Variants in LARGE1 observed in about 807,000 individuals in gnomAD.
LARGE1 encodes xylosyl- and glucuronyltransferase LARGE1.
Under a neutral mutation model 87.6 loss-of-function variants are expected in LARGE1, and 43 were observed. The observed-to-expected ratio is 0.49, with a 90% CI of 0.38 to 0.63. LARGE1 has a LOEUF of 0.63. LARGE1 is among the 30% of genes least tolerant of loss of function. The probability of loss-of-function intolerance (pLI) is 0.00; values close to 1 mark genes in which losing one functional copy is unlikely to be tolerated. For missense variants in LARGE1, 802 were observed against 1,000.2 expected (o/e 0.80, Z 2.67); for synonymous variants, 434 against 394.6 (o/e 1.10, Z -1.18).
intron 6 of LARGE1, among the ~76,000 whole-genome samples, chr22:33,438,186 T>C (rs2067341419): frequency 6.6e-6 from 1 of 152,130 alleles, no homozygotes; most frequent in South Asian, 2.1e-4. Context: ...AGCTGTAACC[T>C]TGATGGTGCA....
At chr22:33,684,735 C>T (rs565931777) in intron 2 of LARGE1, among the ~76,000 whole-genome samples, 37 of 152,236 alleles carry the variant, frequency 2.4e-4, no homozygotes, top group African/African-American at 8.4e-4. Flanking sequence ...AAAGCTCATC[C>T]CGGGATGCCA....
chr22:33,152,561 A>G, the LARGE1 span, among the ~76,000 whole-genome samples: 1 of 151,892 alleles, frequency 6.6e-6, no homozygotes, highest in African/African-American at 2.4e-5. Context: ...TGGATTTTTT[A>G]TTTTTATTAT....
At chr22:33,606,281 T>A (rs557341848) in intron 4 of LARGE1, among the ~76,000 whole-genome samples, 1 of 151,920 alleles carries the variant, frequency 6.6e-6, no homozygotes, top group Admixed American at 6.6e-5. Context: ...GGCACATGCC[T>A]GTAGTCCCAG....
Position 33,679,000 on chromosome 22 carries a change from G to A in LARGE1, c.107-28332C>T, listed in dbSNP as rs73882293. ...TGTATAAAAAATAGATAGCAAGCCC[G>A]GATCCCTTCAATTCAGCAGGTAGCG... On this transcript the variant is annotated intron_variant, in intron 2 of 14. Coordinates refer to ENST00000397394, the MANE Select transcript of LARGE1 (RefSeq NM_133642.5). 9.3e-3 allele frequency among the ~76,000 whole-genome samples: 1,421 copies of A among 152,292 alleles called. 24 individuals carry two copies. The highest frequency in any genetic ancestry group is 0.032 in the African/African-American group (1,317 of 41,578).
the LARGE1 span, among the ~76,000 whole-genome samples, chr22:33,144,468 T>TAC: frequency 6.6e-6 from 1 of 152,098 alleles, no homozygotes; most frequent in Non-Finnish European, 1.5e-5. Flanking sequence ...TATATATATA[T>TAC]ATACACACAT....
At chr22:33,084,647 C>A in the LARGE1 span, among the ~76,000 whole-genome samples, 1 of 151,876 alleles carries the variant, frequency 6.6e-6, no homozygotes, top group East Asian at 1.9e-4. Flanking sequence ...AGAGTGAGAC[C>A]TGGTCTCAAA....
downstream of LARGE1, among the ~76,000 whole-genome samples, chr22:33,269,758 C>G (rs367631601): frequency 2.3e-3 from 345 of 152,236 alleles, 4 homozygotes; most frequent in African/African-American, 7.5e-3. Flanking sequence ...GTAATCCCAG[C>G]ACTTTGGGAG....
chr22:33,249,211 C>T (rs961995298), intron 11 of LARGE1, among the ~76,000 whole-genome samples: 6 of 152,184 alleles, frequency 3.9e-5, no homozygotes, highest in African/African-American at 1.4e-4. Flanking sequence ...CTCATCCTTG[C>T]CAATGTTCCA....
At chr22:33,816,241 G>A (rs886890352) in intron 1 of LARGE1, among the ~76,000 whole-genome samples, 1 of 152,146 alleles carries the variant, frequency 6.6e-6, no homozygotes, top group African/African-American at 2.4e-5. Flanking sequence ...TCCTCCATAA[G>A]CAGTCTGGCT....
chr22:33,762,585 G>C (rs1049360157), intron 1 of LARGE1, among the ~76,000 whole-genome samples: 4 of 152,172 alleles, frequency 2.6e-5, no homozygotes, highest in Admixed American at 6.5e-5. Flanking sequence ...TGGAAGAAGA[G>C]GTCCAGAGAA....
the LARGE1 span, among the ~76,000 whole-genome samples, chr22:33,154,374 G>C: frequency 1.3e-5 from 2 of 152,064 alleles, no homozygotes; most frequent in Non-Finnish European, 2.9e-5. Flanking sequence ...CCAAGTACCT[G>C]AGATTACAGG....
intron 11 of LARGE1, among the ~76,000 whole-genome samples, chr22:33,176,050 G>A (rs1313313311): frequency 6.6e-6 from 1 of 152,094 alleles, no homozygotes; most frequent in Admixed American, 6.6e-5. Context: ...ACAAGCAATG[G>A]GGAAAGGATT....
chr22:33,734,362 C>A (rs188840871), intron 2 of LARGE1, among the ~76,000 whole-genome samples: 1 of 152,032 alleles, frequency 6.6e-6, no homozygotes, highest in Admixed American at 6.5e-5. Context: ...CCTACAAGGA[C>A]GGCAGAAGAG....
chr22:33,168,237 C>T lies in LARGE1; in HGVS notation c.1731-1405G>A, dbSNP rs1412745142. Among the ~76,000 whole-genome samples the T allele has an allele frequency of 6.6e-5, 10 of 152,318 alleles. No homozygotes were observed. In the East Asian group the frequency reaches 1.9e-3, roughly 29 times the overall value. The stretch of plus-strand genomic sequence containing the variant: ...TATTTAACCACAAGGTAGATTCACC[C>T]ATTCTTACTGGCTCTGGATCTCAGC... On this transcript the variant is annotated intron_variant, in intron 11 of 11. Transcript: ENST00000608642.
chr22:33,205,984 T>C (rs1924660623), intron 11 of LARGE1, among the ~76,000 whole-genome samples: 1 of 123,588 alleles, frequency 8.1e-6, no homozygotes, highest in South Asian at 2.6e-4. Flanking sequence ...AGAGGGAATC[T>C]CGCTCTGTTG....
chr22:33,330,012 A>G (rs1569062081), intron 10 of LARGE1, among the ~76,000 whole-genome samples: 1 of 131,682 alleles, frequency 7.6e-6, no homozygotes, highest in African/African-American at 4.5e-5. Context: ...CAGAACAACA[A>G]AAAAAAACCC....
chr22:33,876,322 G>T (rs1259705578), intron 1 of LARGE1, among the ~76,000 whole-genome samples: 1 of 152,000 alleles, frequency 6.6e-6, no homozygotes, highest in Non-Finnish European at 1.5e-5. Flanking sequence ...AATTTATGGA[G>T]TCACAAATCA....
chr22:33,750,769 A>G (rs933761395), intron 2 of LARGE1: 1 of 152,158 alleles, frequency 6.6e-6, no homozygotes, highest in South Asian at 2.1e-4. Flanking sequence ...AACTGATGAA[A>G]ACACTCATAC....
chr22:33,728,819 G>A (rs532033934), intron 2 of LARGE1, among the ~76,000 whole-genome samples: 1 of 152,164 alleles, frequency 6.6e-6, no homozygotes, highest in Non-Finnish European at 1.5e-5. Context: ...ACACGGTTAC[G>A]GATAGAGGAA....
Sources: allele counts gnomAD v4.1 joint callset (sites outside exome capture counted in the v4.1 genomes callset), GRCh38; gene constraint gnomAD v4.1.1; transcripts MANE v1.5; gene names NCBI Gene and HGNC (gene_info 2026-07-23, HGNC 2026-07-21).